Variants in DSCAM observed in about 807,000 individuals in gnomAD.
DSCAM encodes the protein cell adhesion molecule DSCAM.
DSCAM carries 47 observed loss-of-function variants against 217.7 expected under a neutral mutation model. That is an observed-to-expected ratio of 0.22 (90% CI 0.17 to 0.28). The LOEUF (loss-of-function observed/expected upper bound fraction) is 0.28, where lower values mean the gene tolerates loss of function less well. Ranked by LOEUF, DSCAM falls within the 10% of genes least tolerant of loss-of-function variation. The pLI is 1.00. For synonymous variants in DSCAM, 1,056 were observed against 1,015.3 expected (o/e 1.04, Z -0.76); for missense variants, 2,080 against 2,618.3 (o/e 0.79, Z 4.49).
chr21:40,133,263 A>G (rs2090172522), intron 19 of DSCAM, among the ~76,000 whole-genome samples: 1 of 152,206 alleles, frequency 6.6e-6, no homozygotes, highest in Admixed American at 6.5e-5. Context: ...AATAGTCACA[A>G]CCCAATCCAA....
At chr21:40,650,838 T>C (rs919248348) in intron 3 of DSCAM, among the ~76,000 whole-genome samples, 10 of 152,244 alleles carry the variant, frequency 6.6e-5, no homozygotes, top group African/African-American at 2.4e-4. Context: ...TGGTTGAACC[T>C]GGGAGGCGGA....
rs116930529 is a variant in DSCAM at position 40,252,776 on chromosome 21, T to C, written c.2356+23321A>G. Reference sequence around the variant, plus strand: ...CAAGACTATGGGAACCAGATTCCCATTAAAGGCTTAAGTTCTGCTACTCTC... The same window carrying C: ...CAAGACTATGGGAACCAGATTCCCACTAAAGGCTTAAGTTCTGCTACTCTC... On this transcript the variant is annotated intron_variant, in intron 11 of 32. Coordinates refer to ENST00000400454, the MANE Select transcript of DSCAM (RefSeq NM_001389.5). 1.9e-3 allele frequency among the ~76,000 whole-genome samples: 285 copies of C among 152,258 alleles called. 3 individuals carry two copies. The East Asian group carries it at 0.042, about 23-fold the overall frequency.
chr21:40,253,385 G>C (rs2146964148), intron 11 of DSCAM, among the ~76,000 whole-genome samples: 1 of 152,284 alleles, frequency 6.6e-6, no homozygotes, highest in South Asian at 2.1e-4. Context: ...CTGGTTCCGG[G>C]ACAGAGCTTC....
chr21:40,541,586 A>G (rs560960444), intron 3 of DSCAM, among the ~76,000 whole-genome samples: 9 of 152,190 alleles, frequency 5.9e-5, no homozygotes, highest in East Asian at 1.9e-4. Flanking sequence ...AATGTTTAAT[A>G]TATCACATAT....
rs146166690 is a variant in DSCAM at position 40,155,296 on chromosome 21, C to T, written c.3019-10565G>A. 9.1e-4 allele frequency among the ~76,000 whole-genome samples: 139 copies of T among 152,268 alleles called. 1 individual carries two copies. The highest frequency in any genetic ancestry group is 3.0e-3 in the African/African-American group (124 of 41,562). On this transcript the variant is annotated intron_variant, in intron 16 of 32. Transcript: ENST00000400454. ...TGGGAATACCCCCACCTAGCTCCCG[C>T]GCCCAACAATGGGGACCTAGAGGGT...
intron 16 of DSCAM, among the ~76,000 whole-genome samples, chr21:40,148,625 C>A (rs921733152): frequency 1.3e-5 from 2 of 152,058 alleles, no homozygotes; most frequent in African/African-American, 4.8e-5. Flanking sequence ...ACCACCACCA[C>A]CAATCAATGC....
At chr21:40,316,184 G>A (rs539765916) in intron 8 of DSCAM, among the ~76,000 whole-genome samples, 1 of 152,262 alleles carries the variant, frequency 6.6e-6, no homozygotes, top group South Asian at 2.1e-4. Context: ...TAGTCATAAG[G>A]AAAAGCGTTT....
intron 3 of DSCAM, among the ~76,000 whole-genome samples, chr21:40,626,644 C>T (rs1043356661): frequency 7.2e-5 from 11 of 152,208 alleles, no homozygotes; most frequent in Admixed American, 2.0e-4. Context: ...TCCTCTTTGA[C>T]ACCACTTATG....
intron 20 of DSCAM, among the ~76,000 whole-genome samples, chr21:40,100,023 A>G (rs1435373667): frequency 6.6e-6 from 1 of 152,178 alleles, no homozygotes; most frequent in African/African-American, 2.4e-5. Context: ...CACGCCTCCT[A>G]GAGTGAAGCA....
At chr21:40,033,699 C>A (rs1188641270) in intron 32 of DSCAM, among the ~76,000 whole-genome samples, 1 of 151,798 alleles carries the variant, frequency 6.6e-6, no homozygotes, top group Non-Finnish European at 1.5e-5. Flanking sequence ...TGCCTGCCTG[C>A]CTCTGTAGGC....
chr21:40,781,655 A>G lies in DSCAM; in HGVS notation c.43+64964T>C, dbSNP rs999707975. On this transcript the variant is annotated intron_variant, in intron 1 of 32. Transcript: ENST00000400454. The stretch of plus-strand genomic sequence containing the variant: ...CGAAACCAATCCCCCACACATACAG[A>G]GAGATGAATGTACTAAGCTCACGCT... 2.3e-4 allele frequency among the ~76,000 whole-genome samples: 35 copies of G among 152,134 alleles called. 1 individual carries two copies. The highest frequency in any genetic ancestry group is 1.7e-3 in the Admixed American group (26 of 15,274).
intron 5 of DSCAM, among the ~76,000 whole-genome samples, chr21:40,351,278 G>A (rs1601577284): frequency 6.6e-6 from 1 of 152,120 alleles, no homozygotes; most frequent in African/African-American, 2.4e-5. Context: ...GGCTTAAAGG[G>A]CACCCAACAT....
intron 27 of DSCAM, among the ~76,000 whole-genome samples, chr21:40,069,652 A>T (rs566273326): frequency 1.3e-5 from 2 of 152,220 alleles, no homozygotes; most frequent in Non-Finnish European, 2.9e-5. Flanking sequence ...CCACAAAAAA[A>T]CTTTCTGAGG....
intron 4 of DSCAM, among the ~76,000 whole-genome samples, chr21:40,365,936 T>A (rs1318711453): frequency 3.3e-5 from 5 of 151,232 alleles, no homozygotes; most frequent in Non-Finnish European, 5.9e-5. Flanking sequence ...TTGTCTATTT[T>A]ACTGACTTTT....
intron 3 of DSCAM, among the ~76,000 whole-genome samples, chr21:40,557,997 G>A (rs1208688204): frequency 6.6e-6 from 1 of 152,076 alleles, no homozygotes; most frequent in Non-Finnish European, 1.5e-5. Context: ...AATATATTTG[G>A]CGTTGGGCAT....
At chr21:40,409,241 C>T (rs927376569) in intron 3 of DSCAM, among the ~76,000 whole-genome samples, 3 of 152,190 alleles carry the variant, frequency 2.0e-5, no homozygotes, top group African/African-American at 7.2e-5. Context: ...TGTTACATTA[C>T]ACTATAATCA....
At chr21:40,378,819 T>A (rs2123723206) in intron 3 of DSCAM, among the ~76,000 whole-genome samples, 1 of 152,010 alleles carries the variant, frequency 6.6e-6, no homozygotes, top group South Asian at 2.1e-4. Context: ...GGTCTCGATC[T>A]CCTGACCTCG....
chr21:40,131,809 GTTTTCGA>G (rs1425345909), intron 19 of DSCAM, among the ~76,000 whole-genome samples: 1 of 152,148 alleles, frequency 6.6e-6, no homozygotes, highest in East Asian at 1.9e-4. Flanking sequence ...CCAAGGCAGG[GTTTTCGA>G]TAGTCAATCC....
intron 15 of DSCAM, among the ~76,000 whole-genome samples, chr21:40,178,414 T>C: frequency 6.6e-6 from 1 of 152,204 alleles, no homozygotes; most frequent in Non-Finnish European, 1.5e-5. Context: ...TAATGTTGTT[T>C]GTAATAGAAA....
Sources: allele counts gnomAD v4.1 joint callset (sites outside exome capture counted in the v4.1 genomes callset), GRCh38; gene constraint gnomAD v4.1.1; transcripts MANE v1.5; gene names NCBI Gene and HGNC (gene_info 2026-07-23, HGNC 2026-07-21).